The following GLI2 variants were observed in gnomAD, a reference collection of about 807,000 sequenced individuals.
GLI2 encodes the protein GLI family zinc finger 2, also known as transcription activator GLI2.
GLI2 carries 22 observed loss-of-function variants against 78.9 expected under a neutral mutation model. The ratio of observed to expected loss-of-function variants is 0.28; its 90% CI spans 0.20 to 0.40. The LOEUF (loss-of-function observed/expected upper bound fraction) is 0.40. Ranked by LOEUF, GLI2 falls within the 10% of genes least tolerant of loss-of-function variation. The pLI is 1.00. For synonymous variants in GLI2, 974 were observed against 963.7 expected (o/e 1.01, Z -0.20); for missense variants, 2,097 against 2,213.2 (o/e 0.95, Z 1.05).
Position 120,741,620 on chromosome 2 carries a change from C to T in GLI2, c.-31+5335C>T, listed in dbSNP as rs115843201. 8.8e-3 allele frequency among the ~76,000 whole-genome samples: 1,341 copies of T among 152,220 alleles called. 13 individuals are homozygous for T. The highest frequency in any genetic ancestry group is 0.031 in the African/African-American group (1,269 of 41,566). ...TCCCTCCCGTTCCCTCCGCCTCCTC[C>T]CCGCCCCCGCCGTCTGGACCTTCCT... On this transcript the variant is annotated intron_variant, in intron 1 of 13. Transcript: ENST00000361492.
Position 120,811,848 on chromosome 2 carries a change from C to A in GLI2, c.148+14380C>A, listed in dbSNP as rs1321294330. Among the ~76,000 whole-genome samples, 10 of 152,252 alleles carry A rather than the reference C, an allele frequency of 6.6e-5. 1 individual carries two copies. The highest frequency in any genetic ancestry group is 6.8e-3 in the Middle Eastern group (2 of 294). The stretch of plus-strand genomic sequence containing the variant: ...GATTCTTTTTCCTCCCTCCCTCCCT[C>A]CTTCCCTCCCTCTTTCCTTCTCTTC... On this transcript the variant is annotated intron_variant, in intron 2 of 13. Coordinates refer to ENST00000361492, the MANE Select transcript of GLI2 (RefSeq NM_001374353.1).
chr2:120,789,650 A>G (rs1412809590), intron 1 of GLI2, among the ~76,000 whole-genome samples: 2 of 151,994 alleles, frequency 1.3e-5, no homozygotes, highest in Non-Finnish European at 2.9e-5. Flanking sequence ...CTGCCTCACA[A>G]CTCTTTACAT....
chr2:120,810,743 C>T (rs1243948564), intron 2 of GLI2, among the ~76,000 whole-genome samples: 6 of 152,362 alleles, frequency 3.9e-5, no homozygotes, highest in Middle Eastern at 3.4e-3. Context: ...TCTGAAGCTA[C>T]GTGGCGTTCT....
intron 8 of GLI2, chr2:120,972,706 A>T (rs111244989): frequency 3.9e-6 from 2 of 518,498 alleles, no homozygotes; most frequent in African/African-American, 1.9e-5. Context: ...TTTTCCAATG[A>T]TTCAATGCAC....
chr2:120,873,584 T>C (rs555162938), intron 2 of GLI2, among the ~76,000 whole-genome samples: 17 of 152,184 alleles, frequency 1.1e-4, no homozygotes, highest in African/African-American at 1.7e-4. Flanking sequence ...AATAATGTAT[T>C]AGTATAGAGA....
chr2:120,761,515 A>G (rs550836670), intron 1 of GLI2, among the ~76,000 whole-genome samples: 3 of 152,110 alleles, frequency 2.0e-5, no homozygotes, highest in Non-Finnish European at 4.4e-5. Context: ...GGACAGAGGA[A>G]TTTGCAACTG....
At chr2:120,959,695 G>A (rs908798265) in intron 5 of GLI2, among the ~76,000 whole-genome samples, 2 of 152,040 alleles carry the variant, frequency 1.3e-5, no homozygotes, top group African/African-American at 4.8e-5. Context: ...CTCCCCTCCC[G>A]TGAACCATGG....
chr2:120,743,499 A>G (rs1682612616), intron 1 of GLI2, among the ~76,000 whole-genome samples: 1 of 152,206 alleles, frequency 6.6e-6, no homozygotes, highest in African/African-American at 2.4e-5. Context: ...ATACCGGCCT[A>G]TGAAGGTGAC....
intron 2 of GLI2, among the ~76,000 whole-genome samples, chr2:120,804,949 C>T (rs1684873523): frequency 1.3e-5 from 2 of 152,218 alleles, no homozygotes; most frequent in Non-Finnish European, 2.9e-5. Context: ...GCCGTGTCTT[C>T]TGGGCAAATC....
chr2:120,866,195 G>A (rs1688125443), intron 2 of GLI2, among the ~76,000 whole-genome samples: 1 of 152,230 alleles, frequency 6.6e-6, no homozygotes, highest in African/African-American at 2.4e-5. Flanking sequence ...GGGTGTTGGG[G>A]ATAGGGTAGG....
intron 2 of GLI2, among the ~76,000 whole-genome samples, chr2:120,798,042 C>T (rs1017510754): frequency 1.3e-5 from 2 of 152,138 alleles, no homozygotes; most frequent in Non-Finnish European, 1.5e-5. Context: ...GCCAGCATCC[C>T]GTTGGGAAAG....
intron 5 of GLI2, among the ~76,000 whole-genome samples, chr2:120,959,055 G>A (rs1681413323): frequency 6.6e-6 from 1 of 152,248 alleles, no homozygotes; most frequent in Non-Finnish European, 1.5e-5. Context: ...TGGCTCACAG[G>A]GGACTGGAAG....
At chr2:120,754,977 A>C (rs769729890) in intron 1 of GLI2, among the ~76,000 whole-genome samples, 6 of 151,682 alleles carry the variant, frequency 4.0e-5, no homozygotes, top group Non-Finnish European at 8.8e-5. Flanking sequence ...TCAGCCTCCC[A>C]AGTAGCTGGG....
chr2:120,907,051 C>T (rs1039774951), intron 2 of GLI2, among the ~76,000 whole-genome samples: 2 of 152,180 alleles, frequency 1.3e-5, no homozygotes, highest in Admixed American at 6.5e-5. Context: ...TTGCATAAAC[C>T]TTCCTAATGT....
chr2:120,982,223 C>G (rs140866022), intron 10 of GLI2, among the ~76,000 whole-genome samples: 2,318 of 152,192 alleles, frequency 0.015, 21 homozygotes, highest in Non-Finnish European at 0.026. Context: ...CCAGCATGTC[C>G]AAAGTGAAGA....
At chr2:120,739,359 A>G (rs544682784) in intron 1 of GLI2, among the ~76,000 whole-genome samples, 3 of 152,232 alleles carry the variant, frequency 2.0e-5, no homozygotes, top group South Asian at 2.1e-4. Context: ...GGAGGTTGTC[A>G]TGTGCACTTT....
chr2:120,923,403 G>GCATGTACATATACACAGCAACACA (rs1679493586), intron 2 of GLI2, among the ~76,000 whole-genome samples: 1 of 144,282 alleles, frequency 6.9e-6, no homozygotes, highest in Non-Finnish European at 1.5e-5. Flanking sequence ...CATACAACAT[G>GCATGTACATATACACAGCAACACA]CATGTACATA....
chr2:120,971,529 G>T (rs760969509), intron 7 of GLI2, among the ~76,000 whole-genome samples: 1 of 152,230 alleles, frequency 6.6e-6, no homozygotes, highest in Non-Finnish European at 1.5e-5. Flanking sequence ...TTTAGCTCTA[G>T]CCCCTTCTCC....
chr2:120,791,261 T>C (rs1174561491), intron 1 of GLI2, among the ~76,000 whole-genome samples: 1 of 152,160 alleles, frequency 6.6e-6, no homozygotes, highest in East Asian at 1.9e-4. Context: ...TAAATTTGTC[T>C]GGATGGGACA....
Sources: allele counts gnomAD v4.1 joint callset (sites outside exome capture counted in the v4.1 genomes callset), GRCh38; gene constraint gnomAD v4.1.1; transcripts MANE v1.5; gene names NCBI Gene and HGNC (gene_info 2026-07-23, HGNC 2026-07-21).